RPH3AL: variants seen among roughly 807,000 people sequenced by gnomAD.
RPH3AL encodes rab effector Noc2.
Under a neutral mutation model 43.1 loss-of-function variants are expected in RPH3AL, and 38 were observed. The ratio of observed to expected loss-of-function variants is 0.88; its 90% confidence interval spans 0.68 to 1.15. The LOEUF (loss-of-function observed/expected upper bound fraction) is 1.15, where lower values mean the gene tolerates loss of function less well. Ranked by LOEUF, RPH3AL falls within the 50% of genes most tolerant of loss-of-function variation. The pLI, the probability that RPH3AL is intolerant of heterozygous loss-of-function variation, is 0.00. For missense variants in RPH3AL, 462 were observed against 423.2 expected (o/e 1.09, Z -0.81); for synonymous variants, 189 against 176.3 (o/e 1.07, Z -0.57).
intron 2 of RPH3AL, chr17:332,822 C>T (rs754201710): frequency 2.5e-5 from 9 of 365,848 alleles, no homozygotes; most frequent in Middle Eastern, 1.0e-3. Context: ...ACCTCGACCC[C>T]GCCGGGCGAC....
intron 5 of RPH3AL, among the ~76,000 whole-genome samples, chr17:298,516 G>A (rs1408035617): frequency 6.7e-6 from 1 of 150,094 alleles, no homozygotes; most frequent in Non-Finnish European, 1.5e-5. Flanking sequence ...GGTCAATACA[G>A]CGAAACCCCA....
intron 5 of RPH3AL, among the ~76,000 whole-genome samples, chr17:311,255 C>T (rs919882314): frequency 6.6e-6 from 1 of 152,220 alleles, no homozygotes; most frequent in African/African-American, 2.4e-5. Context: ...GTCCACTGTT[C>T]CTAAGTCGAA....
chr17:314,713 T>TTGATTGACCTGTAGTCCCTGTGCCC (rs2043841323), intron 5 of RPH3AL, among the ~76,000 whole-genome samples: 1 of 14,322 alleles, frequency 7.0e-5, no homozygotes, highest in Non-Finnish European at 1.5e-4. Flanking sequence ...GTCTCTGTGC[T>TTGATTGACCTGTAGTCCCTGTGCCC]CCACCTCCAC....
At chr17:243,546 T>C (rs1221995852) in intron 7 of RPH3AL, among the ~76,000 whole-genome samples, 4 of 142,882 alleles carry the variant, frequency 2.8e-5, no homozygotes, top group African/African-American at 7.9e-5. Flanking sequence ...ATTGATTACC[T>C]TCCTCTACTG....
intron 5 of RPH3AL, among the ~76,000 whole-genome samples, chr17:317,304 C>A (rs2044295645): frequency 6.6e-6 from 1 of 151,686 alleles, no homozygotes; most frequent in Admixed American, 6.6e-5. Flanking sequence ...GTCCCACCTC[C>A]ATTGACCTTT....
chr17:221,827 C>G (rs1347986909), intron 7 of RPH3AL, among the ~76,000 whole-genome samples: 7 of 114,128 alleles, frequency 6.1e-5, no homozygotes, highest in South Asian at 3.1e-4. Context: ...GCTCCACTCA[C>G]TGAGACAACA....
intron 5 of RPH3AL, among the ~76,000 whole-genome samples, chr17:304,524 C>A (rs910387148): frequency 2.0e-5 from 3 of 152,170 alleles, no homozygotes; most frequent in African/African-American, 7.2e-5. Context: ...GCTGGTACCC[C>A]AGGCCACCCC....
intron 5 of RPH3AL, among the ~76,000 whole-genome samples, chr17:304,743 G>A (rs756041521): frequency 5.9e-5 from 9 of 152,030 alleles, no homozygotes; most frequent in South Asian, 2.1e-4. Flanking sequence ...TTCATGCCAC[G>A]TGACACTCTT....
At chr17:327,247 C>T (rs1023016232) in intron 3 of RPH3AL, among the ~76,000 whole-genome samples, 1 of 152,232 alleles carries the variant, frequency 6.6e-6, no homozygotes, top group Non-Finnish European at 1.5e-5. Flanking sequence ...GGGCAAGGAG[C>T]TCAGCCTCAC....
rs77996172 is a variant in RPH3AL at position 246,296 on chromosome 17, G to A, written c.613+815C>T. ...AGCCTCCCTCACCCCTCTGCCTGCC[G>A]TCTCATCTAAGACCCTCAGACCCTG... is the stretch of plus-strand genomic sequence containing the variant. On this transcript the variant is annotated intron_variant, in intron 7 of 9. Transcript: ENST00000331302. The surrounding 1 kb of genome is among the most constrained non-coding windows in gnomAD (Gnocchi z 4.8). 4.9e-4 allele frequency among the ~76,000 whole-genome samples: 75 copies of A among 152,106 alleles called. 2 individuals are homozygous for A. The East Asian group carries it at 0.014, about 28-fold the overall frequency.
intron 5 of RPH3AL, among the ~76,000 whole-genome samples, chr17:293,841 C>T (rs960691049): frequency 6.6e-5 from 10 of 152,038 alleles, no homozygotes; most frequent in African/African-American, 2.2e-4. Flanking sequence ...CCAACCTGGC[C>T]AACAAGGCGA....
At chr17:293,964 G>T (rs2043109034) in intron 5 of RPH3AL, among the ~76,000 whole-genome samples, 1 of 152,190 alleles carries the variant, frequency 6.6e-6, no homozygotes, top group African/African-American at 2.4e-5. Context: ...GAAGTCGGAA[G>T]TTGCAGTGAG....
intron 7 of RPH3AL, among the ~76,000 whole-genome samples, chr17:229,273 C>T (rs989594143): frequency 4.6e-5 from 7 of 152,316 alleles, no homozygotes; most frequent in Admixed American, 3.3e-4. Context: ...AGGCACCACT[C>T]GAGGGCAAGG....
intron 5 of RPH3AL, among the ~76,000 whole-genome samples, chr17:282,748 C>T (rs1032821208): frequency 1.3e-5 from 2 of 152,196 alleles, no homozygotes; most frequent in African/African-American, 2.4e-5. Context: ...GGCTGCACAC[C>T]CAGGCTAGCT....
chr17:237,477 G>A (rs1014296769), intron 7 of RPH3AL, among the ~76,000 whole-genome samples: 1 of 152,348 alleles, frequency 6.6e-6, no homozygotes, highest in African/African-American at 2.4e-5. Flanking sequence ...CTGCAGAGAG[G>A]CCTGAGGAGG....
rs1343219599 is a variant in RPH3AL, at chr17:328,209, C to T, written c.-36-630G>A. Among the ~76,000 whole-genome samples, 1 of 151,758 alleles carries T rather than the reference C, an allele frequency of 6.6e-6. No individual in the cohort carries two copies. Among genetic ancestry groups the T allele is most frequent in the East Asian group, 1.9e-4 (1 of 5,160 alleles). ...ACCTGGGGATCCCCCAGGGAGGTGG[C>T]CCTGCTCCAGGACCCCCTGAGGGCT... On this transcript the variant is annotated intron_variant, in intron 2 of 9. Coordinates refer to ENST00000331302, the MANE Select transcript of RPH3AL (RefSeq NM_006987.4). The surrounding 1 kb of genome is among the most constrained non-coding windows in gnomAD (Gnocchi z 4.2).
chr17:294,232 G>A (rs895610292), intron 5 of RPH3AL, among the ~76,000 whole-genome samples: 1 of 151,868 alleles, frequency 6.6e-6, no homozygotes, highest in Non-Finnish European at 1.5e-5. Flanking sequence ...ACGCCAGCAT[G>A]GGATGGACCA....
intron 1 of RPH3AL, among the ~76,000 whole-genome samples, chr17:338,380 C>T (rs1444886063): frequency 6.6e-6 from 1 of 151,640 alleles, no homozygotes; most frequent in Non-Finnish European, 1.5e-5. Context: ...ATCACTTGAG[C>T]CCAGGAGACG....
intron 7 of RPH3AL, among the ~76,000 whole-genome samples, chr17:231,513 A>G (rs1407333572): frequency 6.6e-6 from 1 of 151,534 alleles, no homozygotes; most frequent in East Asian, 1.9e-4. Flanking sequence ...GAGAGCTGAC[A>G]GGAGCCAGGG....
Sources: allele counts gnomAD v4.1 joint callset (sites outside exome capture counted in the v4.1 genomes callset), GRCh38; gene constraint gnomAD v4.1.1; non-coding constraint Gnocchi (gnomAD v3.1); transcripts MANE v1.5; gene names NCBI Gene and HGNC (gene_info 2026-07-23, HGNC 2026-07-21).